SHISA6: variants seen among roughly 807,000 people sequenced by gnomAD.
SHISA6 encodes protein shisa-6.
A neutral mutation model predicts 47.9 loss-of-function variants in SHISA6; 22 were observed. The ratio of observed to expected loss-of-function variants is 0.46; its 90% CI spans 0.33 to 0.66. The LOEUF is 0.66. Ranked by LOEUF, SHISA6 falls within the 30% of genes least tolerant of loss-of-function variation. SHISA6 has a pLI of 0.02. For synonymous variants in SHISA6, 388 were observed against 337.8 expected, an observed-to-expected ratio of 1.15 and a Z score of -1.63; for missense variants, 680 against 764.6, an observed-to-expected ratio of 0.89 and a Z score of 1.30.
chr17:11,422,952 G>T (rs537271473), intron 3 of SHISA6, among the ~76,000 whole-genome samples: 4 of 150,846 alleles, frequency 2.7e-5, no homozygotes, highest in Admixed American at 2.6e-4. Context: ...AGATTAAAAC[G>T]CATGGCTACA....
At chr17:11,263,685 G>C (rs1908327907) in intron 2 of SHISA6, among the ~76,000 whole-genome samples, 159 bp downstream of exon 2, 1 of 152,160 alleles carries the variant, frequency 6.6e-6, no homozygotes, top group Non-Finnish European at 1.5e-5. Flanking sequence ...TCTCCCTGGG[G>C]TGAGTTTGGA....
chr17:11,411,055 G>A (rs1914100445), intron 3 of SHISA6, among the ~76,000 whole-genome samples: 1 of 151,852 alleles, frequency 6.6e-6, no homozygotes. Context: ...TGCAAACTCC[G>A]CCTCCCAGGT....
At chr17:11,314,407 A>C (rs927479774) in intron 2 of SHISA6, among the ~76,000 whole-genome samples, 1 of 151,986 alleles carries the variant, frequency 6.6e-6, no homozygotes, top group Non-Finnish European at 1.5e-5. Flanking sequence ...AGATTTTAAA[A>C]TGAATCTGTA....
At chr17:11,335,706 T>C (rs1371673520) in intron 2 of SHISA6, among the ~76,000 whole-genome samples, 1 of 152,150 alleles carries the variant, frequency 6.6e-6, no homozygotes, top group African/African-American at 2.4e-5. Flanking sequence ...AGCCCGAGGT[T>C]CCAGCGAACA....
chr17:11,464,939 T>TA (rs10706598), intron 3 of SHISA6, among the ~76,000 whole-genome samples: 6,336 of 145,122 alleles, frequency 0.044, 152 homozygotes, highest in Middle Eastern at 0.068. Flanking sequence ...CAAAACTGAT[T>TA]AAAAAAAAAA....
At chr17:11,277,612 A>G (rs1219933486) in intron 2 of SHISA6, among the ~76,000 whole-genome samples, 1 of 152,178 alleles carries the variant, frequency 6.6e-6, no homozygotes, top group Admixed American at 6.5e-5. Flanking sequence ...ATGTATGCTC[A>G]CAAATAACTG....
In SHISA6 at chr17:11,241,825, G is replaced by A. The variant is rs1236709904; in HGVS notation, c.403G>A (p.Glu135Lys). 6.4e-7 allele frequency: 1 copy of A among 1,550,862 alleles called. No individual in the cohort carries two copies. The highest frequency in any genetic ancestry group is 8.7e-7 in the Non-Finnish European group (1 of 1,147,002). Reference protein sequence around the residue: ...YYRFCCKKRHEKLDQRQCTNY... With the variant: ...YYRFCCKKRHKKLDQRQCTNY... The stretch of plus-strand genomic sequence containing the variant: ...CCGCTTCTGCTGCAAGAAGCGCCAC[G>A]AGAAGCTGGACCAGCGCCAGTGCAC... Residue 135 changes from glutamate (E) to lysine (K), a missense_variant, in exon 1 of 6, where the codon GAG becomes AAG. Glu to Lys is a moderately conservative substitution (Grantham distance 56). Transcript: ENST00000441885. The surrounding 1 kb of genome is among the most constrained non-coding windows in gnomAD (Gnocchi z 5.5).
At chr17:11,376,962 G>A (rs1422603662) in intron 2 of SHISA6, among the ~76,000 whole-genome samples, 15 of 152,226 alleles carry the variant, frequency 9.9e-5, no homozygotes, top group Admixed American at 9.8e-4. Flanking sequence ...AATGAAAGCT[G>A]AAACTGTCAT....
intron 2 of SHISA6, among the ~76,000 whole-genome samples, chr17:11,285,063 T>C (rs141516288): frequency 6.6e-6 from 1 of 152,346 alleles, no homozygotes; most frequent in African/African-American, 2.4e-5. Flanking sequence ...TATGAAATCA[T>C]CAAAGGCAAA....
chr17:11,274,215 G>A (rs1597434011), intron 2 of SHISA6, among the ~76,000 whole-genome samples: 1 of 152,294 alleles, frequency 6.6e-6, no homozygotes, highest in East Asian at 1.9e-4. Context: ...CTTTCCCCAC[G>A]TGGCCGGGGG....
rs550473268 is a variant in SHISA6 at position 11,282,519 on chromosome 17, G to A, written c.799+18993G>A. On this transcript the variant is annotated intron_variant, in intron 2 of 5. Transcript: ENST00000441885. ...ACCCATCAACTCATCATTTACATTA[G>A]GTATTTCTCCTAATGCTATCCCTCC... Among the ~76,000 whole-genome samples the A allele has an allele frequency of 2.4e-4, 36 of 152,156 alleles. No homozygotes were observed. The South Asian group carries it at 7.3e-3, about 31-fold the overall frequency.
At chr17:11,383,421 G>A (rs191382120) in intron 3 of SHISA6, among the ~76,000 whole-genome samples, 45 of 152,234 alleles carry the variant, frequency 3.0e-4, no homozygotes, top group South Asian at 6.2e-4. Context: ...CAATAAACGC[G>A]TATTCTTTTG....
intron 3 of SHISA6, among the ~76,000 whole-genome samples, chr17:11,507,565 T>G (rs2071509803): frequency 6.6e-6 from 1 of 152,186 alleles, no homozygotes; most frequent in Admixed American, 6.5e-5. Context: ...ATTAAACAGA[T>G]GTATTCCCCC....
intron 2 of SHISA6, among the ~76,000 whole-genome samples, chr17:11,376,616 G>A (rs985082148): frequency 6.6e-6 from 1 of 152,110 alleles, no homozygotes; most frequent in South Asian, 2.1e-4. Flanking sequence ...GAGCCACTGC[G>A]CCCGGCCTGG....
At chr17:11,505,848 T>C (rs1400226240) in intron 3 of SHISA6, among the ~76,000 whole-genome samples, 1 of 152,122 alleles carries the variant, frequency 6.6e-6, no homozygotes, top group Non-Finnish European at 1.5e-5. Context: ...AACCCTGCCA[T>C]TCAAAGGTAA....
At chr17:11,500,338 A>C (rs752156452) in intron 3 of SHISA6, among the ~76,000 whole-genome samples, 1 of 152,174 alleles carries the variant, frequency 6.6e-6, no homozygotes, top group Non-Finnish European at 1.5e-5. Context: ...ATGAGGTTGC[A>C]CAACTCCAAT....
chr17:11,356,817 G>A (rs1912092883), intron 2 of SHISA6, among the ~76,000 whole-genome samples: 1 of 152,106 alleles, frequency 6.6e-6, no homozygotes, highest in Admixed American at 6.6e-5. Context: ...AGCCATGTGA[G>A]GATCTACCTG....
chr17:11,392,341 G>T (rs1161426720), intron 3 of SHISA6, among the ~76,000 whole-genome samples: 3 of 152,188 alleles, frequency 2.0e-5, no homozygotes, highest in African/African-American at 7.2e-5. Context: ...TTGACTCTCA[G>T]TGCGGCAGTG....
chr17:11,290,323 T>C (rs1255539436), intron 2 of SHISA6: 1 of 151,452 alleles, frequency 6.6e-6, no homozygotes, highest in Non-Finnish European at 1.5e-5. Context: ...GGAGAAAGTG[T>C]GTTTATGATG....
Sources: allele counts gnomAD v4.1 joint callset (sites outside exome capture counted in the v4.1 genomes callset), GRCh38; gene constraint gnomAD v4.1.1; non-coding constraint Gnocchi (gnomAD v3.1); transcripts MANE v1.5; gene names NCBI Gene and HGNC (gene_info 2026-07-23, HGNC 2026-07-21).